The following USP34 variants were observed in gnomAD, a reference collection of about 807,000 sequenced individuals.
The protein encoded by USP34 is ubiquitin carboxyl-terminal hydrolase 34.
Under a neutral mutation model 460.3 loss-of-function variants are expected in USP34, and 70 were observed. The observed-to-expected ratio is 0.15, with a 90% CI of 0.13 to 0.19. The LOEUF is 0.19. Ranked by LOEUF, USP34 falls within the 10% of genes least tolerant of loss-of-function variation. The probability of loss-of-function intolerance (pLI) is 1.00; values close to 1 mark genes in which losing one functional copy is unlikely to be tolerated. For missense variants in USP34, 3,985 were observed against 4,236.2 expected (o/e 0.94, Z 1.65); for synonymous variants, 1,647 against 1,405.3 (o/e 1.17, Z -3.85).
chr2:61,290,484 G>A (rs1280927448), intron 33 of USP34, among the ~76,000 whole-genome samples: 1 of 152,026 alleles, frequency 6.6e-6, no homozygotes, highest in Non-Finnish European at 1.5e-5. Flanking sequence ...CCTATACAAC[G>A]AATATATTAC....
intron 48 of USP34, 84 bp from the exon 49 acceptor site, chr2:61,248,767 C>T: frequency 4.7e-6 from 6 of 1,271,482 alleles, no homozygotes; most frequent in Non-Finnish European, 6.4e-6. Context: ...ATATCCATTT[C>T]AATTTTCAAC....
chr2:61,393,310 A>G (rs1231039424), intron 5 of USP34, among the ~76,000 whole-genome samples: 1 of 151,980 alleles, frequency 6.6e-6, no homozygotes, highest in Non-Finnish European at 1.5e-5. Context: ...ATACGCCTGT[A>G]GTCCCAACTA....
At chr2:61,285,486 C>CA (rs35055379) in intron 34 of USP34, among the ~76,000 whole-genome samples, 13,393 of 108,260 alleles carry the variant, frequency 0.12, 860 homozygotes, top group African/African-American at 0.2. Flanking sequence ...GAATCTGTCT[C>CA]AAAAAAAAAA....
At chr2:61,278,945 C>A (rs182577364) in intron 39 of USP34, among the ~76,000 whole-genome samples, 1 of 152,184 alleles carries the variant, frequency 6.6e-6, no homozygotes, top group East Asian at 1.9e-4. Flanking sequence ...AAAAACTTTA[C>A]TTCTCGTTAT....
At chr2:61,232,598 A>G in intron 57 of USP34, 66 bp from the exon 58 acceptor site, 1 of 1,252,460 alleles carries the variant, frequency 8.0e-7, no homozygotes, top group Non-Finnish European at 1.1e-6. Context: ...GATAACAGTC[A>G]CATAAGAATT....
chr2:61,237,448 C>T (rs1161947501), intron 53 of USP34, among the ~76,000 whole-genome samples: 1 of 151,120 alleles, frequency 6.6e-6, no homozygotes, highest in Non-Finnish European at 1.5e-5. Context: ...TGGTTTCTAT[C>T]ATATAAGTGC....
chr2:61,342,471 A>AT (rs111228767), intron 16 of USP34, among the ~76,000 whole-genome samples: 23,482 of 143,520 alleles, frequency 0.16, 2,152 homozygotes, highest in South Asian at 0.36. Flanking sequence ...CAGCTAATTT[A>AT]TTTTTTTTTT....
intron 10 of USP34, among the ~76,000 whole-genome samples, chr2:61,359,974 G>A (rs139202217): frequency 6.9e-4 from 104 of 151,824 alleles, no homozygotes; most frequent in African/African-American, 2.4e-3. Flanking sequence ...TAGTAGAAAC[G>A]AGGTTTCACT....
At chr2:61,350,449 T>C in intron 11 of USP34, 60 bp from the exon 12 acceptor site, 2 of 1,575,976 alleles carry the variant, frequency 1.3e-6, no homozygotes, top group Non-Finnish European at 1.7e-6. Flanking sequence ...ACAAATTTAA[T>C]ATCCTTTTTG....
Position 61,190,626 on chromosome 2 carries a change from C to T in USP34, c.9621G>A (p.Leu3207=). ...ATTCTGCGAAAACAGGATCTTCACACAAAAGCTTGATGCAGTTTTTTGACA... is the reference window on the plus strand; with the variant it reads ...ATTCTGCGAAAACAGGATCTTCACATAAAAGCTTGATGCAGTTTTTTGACA... ...SAMSKNCIKL[L]CEDPVFAEYI... The change falls in exon 77 of 80, where the codon TTG becomes TTA. Residue 3207 remains leucine (L), a synonymous_variant. Coordinates refer to ENST00000398571, the MANE Select transcript of USP34 (RefSeq NM_014709.4). 1 of 1,613,880 alleles carries T rather than the reference C, an allele frequency of 6.2e-7. No homozygotes were observed. Among genetic ancestry groups the T allele is most frequent in the East Asian group, 2.2e-5 (1 of 44,866 alleles).
intron 39 of USP34, among the ~76,000 whole-genome samples, chr2:61,279,278 A>G (rs986612345): frequency 1.3e-5 from 2 of 152,236 alleles, no homozygotes; most frequent in East Asian, 3.8e-4. Context: ...TTAAATGTAA[A>G]GTGAACATAT....
intron 75 of USP34, among the ~76,000 whole-genome samples, chr2:61,198,345 T>C (rs1476533730): frequency 6.6e-6 from 1 of 152,200 alleles, no homozygotes; most frequent in East Asian, 1.9e-4. Context: ...TCAATATAGG[T>C]GAACTATGGT....
At chr2:61,378,932 A>AAAAAAAAAAC (rs1692884679) in intron 7 of USP34, among the ~76,000 whole-genome samples, 1 of 150,654 alleles carries the variant, frequency 6.6e-6, no homozygotes, top group Admixed American at 6.6e-5. Flanking sequence ...AAAAAAAAAA[A>AAAAAAAAAAC]AAAAACAACA....
intron 1 of USP34, among the ~76,000 whole-genome samples, chr2:61,424,414 C>T (rs1024505771): frequency 1.3e-5 from 2 of 152,154 alleles, no homozygotes; most frequent in Admixed American, 6.5e-5. Context: ...CATGACTGTA[C>T]TTGTACAATT....
At chr2:61,264,076 CTTTTA>C (rs1249641134) in intron 43 of USP34, among the ~76,000 whole-genome samples, 3 of 152,102 alleles carry the variant, frequency 2.0e-5, no homozygotes, top group African/African-American at 7.2e-5. Flanking sequence ...TTGATAACTG[CTTTTA>C]TAAGACTACG....
At chr2:61,404,402 A>C (rs148255261) in intron 3 of USP34, among the ~76,000 whole-genome samples, 53 of 152,318 alleles carry the variant, frequency 3.5e-4, no homozygotes, top group African/African-American at 1.1e-3. Flanking sequence ...AGTCTACTTC[A>C]CTACCCCTTT....
chr2:61,279,815 A>T (rs928401911), intron 39 of USP34, among the ~76,000 whole-genome samples: 6 of 152,194 alleles, frequency 3.9e-5, no homozygotes, highest in Admixed American at 2.6e-4. Flanking sequence ...ATGTCATTTT[A>T]GTCCAGTATA....
chr2:61,290,351 G>T lies in USP34; in HGVS notation c.4549-1474C>A, dbSNP rs142083078. On this transcript the variant is annotated intron_variant, in intron 33 of 79. Transcript: ENST00000398571. ...TTCATCACTTGGTATTAATCCAAGA[G>T]ATAAAAACATACATATACCAAATGA... is the stretch of plus-strand genomic sequence containing the variant. Among the ~76,000 whole-genome samples the T allele has an allele frequency of 2.7e-3, 416 of 152,158 alleles. 1 individual carries two copies. The highest frequency in any genetic ancestry group is 9.3e-3 in the African/African-American group (387 of 41,546).
intron 34 of USP34, 110 bp from the exon 35 acceptor site, chr2:61,285,067 C>T (rs756863683): frequency 8.5e-6 from 6 of 704,300 alleles, no homozygotes; most frequent in Non-Finnish European, 1.1e-5. Context: ...AATTTTAACC[C>T]AAAATTCCAA....
Sources: gnomAD v4.1 joint callset for allele counts (sites outside exome capture counted in the v4.1 genomes callset) on GRCh38, gnomAD v4.1.1 for gene constraint, MANE v1.5 for transcripts, NCBI Gene and HGNC (gene_info 2026-07-23, HGNC 2026-07-21) for gene names.